Variants in SHTN1 observed in about 807,000 individuals in gnomAD.
SHTN1 encodes shootin-1.
SHTN1 carries 42 observed loss-of-function variants against 83.1 expected under a neutral mutation model. That is an observed-to-expected ratio of 0.51 (90% CI 0.39 to 0.65). The LOEUF (loss-of-function observed/expected upper bound fraction) is 0.65. Among genes scored for constraint, SHTN1 ranks in the 30% least tolerant of loss-of-function variants. The probability of loss-of-function intolerance (pLI) is 0.00; values close to 1 mark genes in which losing one functional copy is unlikely to be tolerated. For synonymous variants in SHTN1, 224 were observed against 247.7 expected, an observed-to-expected ratio of 0.90 and a Z score of 0.90; for missense variants, 622 against 737.8, an observed-to-expected ratio of 0.84 and a Z score of 1.82.
chr10:117,000,432 G>A (rs1022410139), intron 1 of SHTN1, among the ~76,000 whole-genome samples: 4 of 152,102 alleles, frequency 2.6e-5, no homozygotes, highest in Non-Finnish European at 5.9e-5. Context: ...TGGGGAAAAC[G>A]ATACTAACTC....
chr10:117,037,218 G>T (rs1428431674), intron 2 of SHTN1, among the ~76,000 whole-genome samples: 1 of 152,102 alleles, frequency 6.6e-6, no homozygotes, highest in Non-Finnish European at 1.5e-5. Flanking sequence ...TGGGAGGATT[G>T]CTTGAGCCTA....
intron 16 of SHTN1, among the ~76,000 whole-genome samples, chr10:116,888,434 T>G (rs1464388796): frequency 1.3e-5 from 2 of 152,212 alleles, no homozygotes; most frequent in Non-Finnish European, 2.9e-5. Flanking sequence ...TCATGCCGTC[T>G]GTGTAAATCT....
rs1482602131 is a variant in SHTN1 at position 117,023,731 on chromosome 10, G to C, written c.-123+24714C>G. 6.5e-5 allele frequency: 10 copies of C among 152,786 alleles called. No homozygotes were observed. The South Asian group carries it at 2.1e-3, about 32-fold the overall frequency. 9.5% of individuals were successfully genotyped at this position (152,786 alleles called of 1,614,324 possible). The stretch of plus-strand genomic sequence containing the variant: ...GCAGAGGCCATTTTAGTGGTGGACA[G>C]TGCTCATCTTTGGCCAGATTTAGCA... On this transcript the variant is annotated intron_variant, in intron 2 of 17. Coordinates refer to the SHTN1 transcript ENST00000392901.
intron 13 of SHTN1, among the ~76,000 whole-genome samples, chr10:116,912,138 G>A (rs1416164649): frequency 6.6e-6 from 1 of 152,144 alleles, no homozygotes; most frequent in East Asian, 1.9e-4. Flanking sequence ...GAGAAGATTT[G>A]GTAGACATCG....
At chr10:117,073,975 T>C (rs1340047990) in intron 1 of SHTN1, among the ~76,000 whole-genome samples, 1 of 152,102 alleles carries the variant, frequency 6.6e-6, no homozygotes, top group Non-Finnish European at 1.5e-5. Context: ...GCAGAATATA[T>C]GAGACTTTTT....
Position 116,909,715 on chromosome 10 carries a change from A to C in SHTN1, c.1359+2075T>G, listed in dbSNP as rs907416559. ...CTCAGAAAATAGAATAGGGGTTTGAAACTCCCCCAAACCAGAGACTTGTTT... is the reference window on the plus strand; with the variant it reads ...CTCAGAAAATAGAATAGGGGTTTGACACTCCCCCAAACCAGAGACTTGTTT... On this transcript the variant is annotated intron_variant, in intron 14 of 16. Coordinates refer to ENST00000355371, the MANE Select transcript of SHTN1 (RefSeq NM_001127211.3). 2.0e-5 allele frequency among the ~76,000 whole-genome samples: 3 copies of C among 152,162 alleles called. No individual in the cohort carries two copies. In the East Asian group the frequency reaches 5.8e-4, roughly 29 times the overall value.
rs766980386 is a variant in SHTN1 at position 116,927,847 on chromosome 10, G to A, written c.1057C>T (p.Pro353Ser). ...GGTGGTGGAGGAGGAGGTGGTGGAGGTACTGAATTCTCAGACTGGTTCACT... is the reference window on the plus strand; with the variant it reads ...GGTGGTGGAGGAGGAGGTGGTGGAGATACTGAATTCTCAGACTGGTTCACT... ...KRVNQSENSV[P>S]PPPPPPPPLP... is the part of the protein sequence containing the mutation. The change falls in exon 11 of 17, where the codon CCT (proline) becomes TCT (serine). Residue 353 changes from proline to serine, a missense_variant. By Grantham distance (74) the Pro-to-Ser change is moderately conservative. Around this residue, in one of 3 missense-constraint regions of SHTN1, gnomAD observed 383 missense variants for 455.8 expected, o/e 0.84. Transcript: ENST00000355371. The A allele has an allele frequency of 1.7e-5, 27 of 1,610,984 alleles. No homozygotes were observed. The Admixed American group carries it at 4.5e-4, about 27-fold the overall frequency.
upstream of SHTN1, chr10:117,005,722 C>T (rs6585423): frequency 0.94 from 265,409 of 282,554 alleles, 126,900 homozygotes; most frequent in Non-Finnish European, 1. Context: ...ATCAGGCCGC[C>T]CAGCTACTTA....
intron 6 of SHTN1, among the ~76,000 whole-genome samples, chr10:116,950,235 G>A (rs1849727883): frequency 6.6e-6 from 1 of 152,164 alleles, no homozygotes; most frequent in African/African-American, 2.4e-5. Flanking sequence ...TACGATCATA[G>A]CTCATTGCAG....
In SHTN1 at chr10:117,046,654, T is replaced by C. The variant is rs532942519; in HGVS notation, c.-123+1791A>G. Among the ~76,000 whole-genome samples the C allele has an allele frequency of 9.9e-5, 15 of 152,278 alleles. No homozygotes were observed. In the South Asian group the frequency reaches 2.9e-3, roughly 29 times the overall value. ...AATTGGTAAATGGATAAACAAAATA[T>C]GATATATCCATACAGTGAAATAATA... On this transcript the variant is annotated intron_variant, in intron 2 of 17. Transcript: ENST00000392901.
chr10:117,107,605 T>A (rs1482732561), intron 1 of SHTN1, among the ~76,000 whole-genome samples: 3 of 152,134 alleles, frequency 2.0e-5, no homozygotes, highest in Non-Finnish European at 4.4e-5. Context: ...TACTATAATA[T>A]TAGGATGAAA....
At chr10:117,070,122 G>GC (rs1301844853) in intron 1 of SHTN1, among the ~76,000 whole-genome samples, 1 of 82,420 alleles carries the variant, frequency 1.2e-5, no homozygotes, top group Non-Finnish European at 3.8e-5. Flanking sequence ...AAATCAAACT[G>GC]CTAAAAAAAA....
chr10:117,042,629 CT>C (rs112611939), intron 2 of SHTN1, among the ~76,000 whole-genome samples: 11 of 149,544 alleles, frequency 7.4e-5, no homozygotes, highest in Non-Finnish European at 1.3e-4. Flanking sequence ...GCAACACTTC[CT>C]TTTTTTTTTG....
At chr10:116,948,660 G>T (rs1238904036) in intron 7 of SHTN1, among the ~76,000 whole-genome samples, 1 of 152,088 alleles carries the variant, frequency 6.6e-6, no homozygotes, top group Non-Finnish European at 1.5e-5. Flanking sequence ...ATGTAAGACA[G>T]AAATAGTATT....
chr10:116,934,471 T>G (rs13277665), intron 9 of SHTN1, among the ~76,000 whole-genome samples: 6 of 152,176 alleles, frequency 3.9e-5, no homozygotes, highest in African/African-American at 1.4e-4. Context: ...AAAGATCAGA[T>G]GGTTGTAGAT....
chr10:117,032,365 G>A (rs569621473), intron 2 of SHTN1, among the ~76,000 whole-genome samples: 7 of 152,074 alleles, frequency 4.6e-5, no homozygotes, highest in South Asian at 2.1e-4. Context: ...CACCGTGCCC[G>A]GCTAATTTTT....
chr10:116,967,397 A>G (rs1850433952), intron 3 of SHTN1, among the ~76,000 whole-genome samples: 1 of 152,240 alleles, frequency 6.6e-6, no homozygotes, highest in East Asian at 1.9e-4. Context: ...TTTAAGTTCT[A>G]TGAAGCTATC....
chr10:116,997,888 C>G (rs1216080170), intron 1 of SHTN1, among the ~76,000 whole-genome samples: 1 of 152,086 alleles, frequency 6.6e-6, no homozygotes, highest in African/African-American at 2.4e-5. Context: ...GTCAGGAGAC[C>G]GAAACCATCC....
intron 1 of SHTN1, among the ~76,000 whole-genome samples, chr10:117,055,263 G>A (rs1852811662): frequency 6.6e-6 from 1 of 152,136 alleles, no homozygotes. Flanking sequence ...CGAGATTTGG[G>A]TGAGGACACA....
Sources: gnomAD v4.1 joint callset for allele counts (sites outside exome capture counted in the v4.1 genomes callset) on GRCh38, gnomAD v4.1.1 for gene constraint, gnomAD v4.1.1 regional missense constraint, MANE v1.5 for transcripts, NCBI Gene and HGNC (gene_info 2026-07-23, HGNC 2026-07-21) for gene names.